NUDT3: variants seen among roughly 807,000 people sequenced by gnomAD.
NUDT3 encodes the protein diphosphoinositol polyphosphate phosphohydrolase 1.
A neutral mutation model predicts 23.6 loss-of-function variants in NUDT3; 9 were observed. The observed-to-expected ratio is 0.38, with a 90% confidence interval of 0.23 to 0.66. The LOEUF (loss-of-function observed/expected upper bound fraction) is 0.66, where lower values mean the gene tolerates loss of function less well. Ranked by LOEUF, NUDT3 falls within the 30% of genes least tolerant of loss-of-function variation. The pLI is 0.52. For missense variants in NUDT3, 172 were observed against 218.5 expected (o/e 0.79, Z 1.34); for synonymous variants, 86 against 82.6 (o/e 1.04, Z -0.22).
At chr6:34,301,426 G>T (rs1353922181) in intron 2 of NUDT3, among the ~76,000 whole-genome samples, 1 of 152,186 alleles carries the variant, frequency 6.6e-6, no homozygotes, top group Non-Finnish European at 1.5e-5. Context: ...TCGGCCAACA[G>T]AATGTAGAAG....
intron 1 of NUDT3, among the ~76,000 whole-genome samples, chr6:34,375,651 G>A (rs1764910395): frequency 6.6e-6 from 1 of 152,156 alleles, no homozygotes; most frequent in Non-Finnish European, 1.5e-5. Flanking sequence ...CATCTGGAAG[G>A]AGTTTTCTCG....
chr6:34,323,812 A>G (rs1055859176), intron 2 of NUDT3, among the ~76,000 whole-genome samples: 1 of 152,210 alleles, frequency 6.6e-6, no homozygotes, highest in African/African-American at 2.4e-5. Context: ...TTATTGTACT[A>G]TTTTTGAATT....
chr6:34,300,853 C>T (rs1763587526), intron 2 of NUDT3, among the ~76,000 whole-genome samples: 1 of 152,318 alleles, frequency 6.6e-6, no homozygotes, highest in East Asian at 1.9e-4. Context: ...AGACCAAGAA[C>T]TGTATTCCCC....
intron 2 of NUDT3, among the ~76,000 whole-genome samples, chr6:34,307,078 A>G (rs989894543): frequency 1.3e-5 from 2 of 152,134 alleles, no homozygotes; most frequent in African/African-American, 2.4e-5. Flanking sequence ...AAAAACATTT[A>G]TATCATTATT....
intron 1 of NUDT3, among the ~76,000 whole-genome samples, chr6:34,383,979 G>C (rs1765065412): frequency 6.6e-6 from 1 of 152,146 alleles, no homozygotes. Flanking sequence ...ATATTGAACG[G>C]TGACCAAGAT....
At chr6:34,353,440 AT>A (rs11355875) in intron 1 of NUDT3, among the ~76,000 whole-genome samples, 37,831 of 142,920 alleles carry the variant, frequency 0.26, 5,307 homozygotes, top group East Asian at 0.45. Flanking sequence ...ACTCCCAAGT[AT>A]TTTTTTTTTT....
intron 2 of NUDT3, among the ~76,000 whole-genome samples, chr6:34,302,664 G>A (rs533042878): frequency 2.6e-5 from 4 of 151,930 alleles, no homozygotes; most frequent in South Asian, 2.1e-4. Flanking sequence ...CCTGGGAGGC[G>A]GAGATTGCAG....
intron 1 of NUDT3, among the ~76,000 whole-genome samples, chr6:34,358,258 TACACACACACACACACACACACAC>T (rs71538235): frequency 6.9e-6 from 1 of 144,604 alleles, no homozygotes; most frequent in Non-Finnish European, 1.5e-5. Context: ...ATGAGTAGTT[TACACACACACACACACACACACAC>T]ACACACACAC....
At chr6:34,370,427 A>G (rs1190977550) in intron 1 of NUDT3, among the ~76,000 whole-genome samples, 1 of 152,228 alleles carries the variant, frequency 6.6e-6, no homozygotes, top group Non-Finnish European at 1.5e-5. Context: ...GGCAGATGAC[A>G]GAAGTAATAG....
chr6:34,309,308 A>AT (rs1491140636), intron 2 of NUDT3, among the ~76,000 whole-genome samples: 1 of 152,232 alleles, frequency 6.6e-6, no homozygotes, highest in African/African-American at 2.4e-5. Context: ...TCTAAATAAC[A>AT]TATGAATTAA....
At chr6:34,345,672 A>T (rs1473499281) in intron 1 of NUDT3, among the ~76,000 whole-genome samples, 1 of 151,586 alleles carries the variant, frequency 6.6e-6, no homozygotes. Context: ...CAAAAAAAAA[A>T]AAAAAAAAGC....
intron 2 of NUDT3, among the ~76,000 whole-genome samples, chr6:34,333,926 G>A (rs868135591): frequency 1.3e-5 from 2 of 152,208 alleles, no homozygotes; most frequent in Non-Finnish European, 2.9e-5. Context: ...CAACAGACAC[G>A]TAAGTTTTGC....
chr6:34,373,925 G>A lies in NUDT3; in HGVS notation c.99+18339C>T, dbSNP rs140695619. ...TCCCAGCACTTTGGGAGGCCAAGGC[G>A]GGCGGATCATCTGAGGTCAGGAGTT... is the stretch of plus-strand genomic sequence containing the variant. On this transcript the variant is annotated intron_variant, in intron 1 of 4. Coordinates refer to ENST00000607016, the MANE Select transcript of NUDT3 (RefSeq NM_006703.4). Among the ~76,000 whole-genome samples the A allele has an allele frequency of 5.6e-3, 859 of 152,158 alleles. 5 individuals carry two copies. The highest frequency in any genetic ancestry group is 0.02 in the Middle Eastern group (6 of 294).
At chr6:34,345,710 T>C (rs568222249) in intron 1 of NUDT3, among the ~76,000 whole-genome samples, 2 of 148,466 alleles carry the variant, frequency 1.3e-5, no homozygotes, top group East Asian at 2.0e-4. Context: ...ACTACTTTTT[T>C]CCCCCAGAGT....
chr6:34,280,870 T>C lies in NUDT3; in HGVS notation c.*7883A>G, dbSNP rs1034349191. 4.6e-5 allele frequency: 7 copies of C among 152,200 alleles called. 1 individual carries two copies. Among genetic ancestry groups the C allele is most frequent in the Non-Finnish European group, 7.3e-5 (5 of 68,040 alleles). The allele number at this position is 152,200 out of a possible 1,614,324, so 9.4% of individuals were successfully genotyped here. ...GCTCTCTGTCTCAGTTCCACAGATA[T>C]TACTCAACTTGGCCATTTACGCCTC... On this transcript the variant is annotated 3_prime_UTR_variant, in exon 5 of 5. Coordinates refer to ENST00000607016, the MANE Select transcript of NUDT3 (RefSeq NM_006703.4).
In NUDT3 at chr6:34,335,213, T is replaced by C. The variant is rs569339420; in HGVS notation, c.210+6649A>G. The stretch of plus-strand genomic sequence containing the variant: ...GGACTAAATTTGCTATGTTGATTCA[T>C]GCTGTGTGAACTCCATGACCCCCAG... On this transcript the variant is annotated intron_variant, in intron 2 of 4. Transcript: ENST00000607016. 2.0e-4 allele frequency among the ~76,000 whole-genome samples: 31 copies of C among 152,312 alleles called. 1 individual carries two copies. The East Asian group carries it at 3.3e-3, about 16-fold the overall frequency.
chr6:34,320,869 G>A (rs887578512), intron 2 of NUDT3, among the ~76,000 whole-genome samples: 6 of 151,998 alleles, frequency 3.9e-5, no homozygotes, highest in African/African-American at 1.4e-4. Flanking sequence ...TAAATATACA[G>A]GAAAAACACA....
chr6:34,293,613 G>A, intron 3 of NUDT3, 78 bp from the exon 4 acceptor site: 3 of 1,526,780 alleles, frequency 2.0e-6, no homozygotes, highest in Non-Finnish European at 2.7e-6. Flanking sequence ...ACACTCTTAT[G>A]CATATGTCCA....
intron 2 of NUDT3, among the ~76,000 whole-genome samples, chr6:34,335,085 CCA>C (rs1174851634): frequency 8.5e-5 from 13 of 152,102 alleles, no homozygotes; most frequent in African/African-American, 3.1e-4. Context: ...ATGAACAATA[CCA>C]CAGTACTAGA....
Sources: gnomAD v4.1 joint callset for allele counts (sites outside exome capture counted in the v4.1 genomes callset) on GRCh38, gnomAD v4.1.1 for gene constraint, MANE v1.5 for transcripts, NCBI Gene and HGNC (gene_info 2026-07-23, HGNC 2026-07-21) for gene names.